The following TTYH3 variants were observed in gnomAD, a reference collection of about 807,000 sequenced individuals.
TTYH3 encodes the protein tweety family member 3.
A neutral mutation model predicts 68.2 loss-of-function variants in TTYH3; 23 were observed. The ratio of observed to expected loss-of-function variants is 0.34; its 90% CI spans 0.24 to 0.48. TTYH3 has a LOEUF of 0.48. TTYH3 is among the 20% of genes least tolerant of loss of function. The pLI is 0.99. For synonymous variants in TTYH3, 360 were observed against 332.8 expected, an observed-to-expected ratio of 1.08 and a Z score of -0.89; for missense variants, 768 against 727.7, an observed-to-expected ratio of 1.06 and a Z score of -0.64.
At chr7:2,640,015 G>GC in intron 1 of TTYH3, among the ~76,000 whole-genome samples, 1 of 151,830 alleles carries the variant, frequency 6.6e-6, no homozygotes, top group South Asian at 2.1e-4. Flanking sequence ...CAGCTCACCC[G>GC]CCCCCGCTGT....
At chr7:2,660,195 CAG>C (rs1330333335) in intron 13 of TTYH3, 1 of 985,358 alleles carries the variant, frequency 1.0e-6, no homozygotes, top group Non-Finnish European at 1.2e-6. Flanking sequence ...ACGGCTCAGC[CAG>C]AGACTTCTAA....
intron 3 of TTYH3, 73 bp from the exon 4 acceptor site, chr7:2,647,345 C>G (rs921548915): frequency 6.7e-7 from 1 of 1,500,986 alleles, no homozygotes; most frequent in Non-Finnish European, 8.9e-7. Flanking sequence ...GGGACTGGGG[C>G]TGTGCAGGAG....
intron 11 of TTYH3, among the ~76,000 whole-genome samples, chr7:2,657,404 G>A (rs914020199): frequency 7.7e-4 from 96 of 124,212 alleles, no homozygotes; most frequent in Non-Finnish European, 1.2e-3. Context: ...GATGGTGGTG[G>A]TGGTTGTGGT....
chr7:2,640,595 A>G (rs1390452879), intron 1 of TTYH3, among the ~76,000 whole-genome samples: 1 of 152,054 alleles, frequency 6.6e-6, no homozygotes, highest in Admixed American at 6.5e-5. Context: ...TGGCCCTCCC[A>G]CCTTGGCAGC....
At chr7:2,649,476 G>T in intron 5 of TTYH3, 91 bp from the exon 6 acceptor site, 1 of 1,294,254 alleles carries the variant, frequency 7.7e-7, no homozygotes, top group South Asian at 1.3e-5. Flanking sequence ...CCCCTGATGT[G>T]CACTGGGACC....
chr7:2,635,044 A>T (rs1172865970), intron 1 of TTYH3, among the ~76,000 whole-genome samples: 1 of 152,090 alleles, frequency 6.6e-6, no homozygotes, highest in Non-Finnish European at 1.5e-5. Flanking sequence ...CCAGCCAGTG[A>T]CTGTCGAGAG....
At chr7:2,641,458 C>G (rs996834314) in intron 1 of TTYH3, among the ~76,000 whole-genome samples, 14 of 151,966 alleles carry the variant, frequency 9.2e-5, no homozygotes, top group Non-Finnish European at 1.9e-4. Context: ...GGGACTGAGG[C>G]TGCAGGAGGG....
intron 1 of TTYH3, among the ~76,000 whole-genome samples, chr7:2,644,628 G>A (rs774363879): frequency 2.0e-5 from 3 of 152,184 alleles, no homozygotes; most frequent in South Asian, 2.1e-4. Context: ...TTGCAGGGGC[G>A]GTAGGCACTT....
At chr7:2,655,104 A>G (rs540008863) in intron 9 of TTYH3, among the ~76,000 whole-genome samples, 1 of 151,762 alleles carries the variant, frequency 6.6e-6, no homozygotes, top group Non-Finnish European at 1.5e-5. Context: ...GGCACCATTG[A>G]GCCCGTAACA....
chr7:2,662,635 A>C lies in TTYH3; in HGVS notation c.*896A>C, dbSNP rs2115002705. On this transcript the variant is annotated 3_prime_UTR_variant, in exon 14 of 14. Transcript: ENST00000258796. ...CTTCTTGGTTCCATTTCCATCCATG[A>C]CAGGTACAGCATCCCAGGAGCCCGG... 1 of 152,832 alleles carries C rather than the reference A, an allele frequency of 6.5e-6. No homozygotes were observed. The highest frequency in any genetic ancestry group is 6.5e-5 in the Admixed American group (1 of 15,296). The allele number at this position is 152,832 out of a possible 1,614,324, so 9.5% of individuals were successfully genotyped here.
rs570597066 is a variant in TTYH3 at position 2,663,133 on chromosome 7, C to G, written c.*1394C>G. 1.3e-5 allele frequency: 2 copies of G among 152,436 alleles called. No homozygotes were observed. Among genetic ancestry groups the G allele is most frequent in the African/African-American group, 2.4e-5 (1 of 41,456 alleles). The allele number at this position is 152,436 out of a possible 1,614,324, so 9.4% of individuals were successfully genotyped here. A position where few individuals can be genotyped will look rare whatever the true frequency, so the allele number is the denominator to read the frequency against. ...ATCGGACGTGCTACCCCTCCCGGTC[C>G]CGGCCCTGGCCCAGCCAGCCCAGCC... On this transcript the variant is annotated 3_prime_UTR_variant, in exon 14 of 14. Transcript: ENST00000258796.
chr7:2,644,334 G>A (rs1218138633), intron 1 of TTYH3, among the ~76,000 whole-genome samples: 5 of 152,198 alleles, frequency 3.3e-5, no homozygotes, highest in Non-Finnish European at 5.9e-5. Flanking sequence ...GCCCCAGAGC[G>A]TGGCTTTTCC....
At chr7:2,644,368 AC>A (rs1785929307) in intron 1 of TTYH3, among the ~76,000 whole-genome samples, 1 of 152,104 alleles carries the variant, frequency 6.6e-6, no homozygotes, top group African/African-American at 2.4e-5. Flanking sequence ...TTTATAGACA[AC>A]CCACTGAGCA....
At chr7:2,647,788 C>T in intron 4 of TTYH3, 150 bp downstream of exon 4, 3 of 1,072,286 alleles carry the variant, frequency 2.8e-6, no homozygotes, top group Middle Eastern at 2.0e-4. Flanking sequence ...GCTGGAGTTC[C>T]CCTAATGGGA....
chr7:2,660,271 C>T, intron 13 of TTYH3: 1 of 985,414 alleles, frequency 1.0e-6, no homozygotes, highest in Non-Finnish European at 1.2e-6. Flanking sequence ...GCTCCCCCTG[C>T]CCAGTTGCTT....
At chr7:2,652,297 G>A (rs1344137365) in intron 8 of TTYH3, 55 bp downstream of exon 8, 3 of 1,513,836 alleles carry the variant, frequency 2.0e-6, no homozygotes, top group Admixed American at 3.4e-5. Flanking sequence ...GCACATTGCT[G>A]TGTGTGGAGG....
At chr7:2,643,189 A>G (rs1785896728) in intron 1 of TTYH3, among the ~76,000 whole-genome samples, 1 of 148,968 alleles carries the variant, frequency 6.7e-6, no homozygotes. Context: ...CCCTGTCTCT[A>G]TTAAAAATAC....
At chr7:2,636,613 A>G (rs1419954604) in intron 1 of TTYH3, among the ~76,000 whole-genome samples, 1 of 152,160 alleles carries the variant, frequency 6.6e-6, no homozygotes, top group Non-Finnish European at 1.5e-5. Context: ...GAGCTGATGA[A>G]CTAGGCTGGG....
At chr7:2,657,989 C>G (rs1248726702) in intron 11 of TTYH3, among the ~76,000 whole-genome samples, 1 of 152,218 alleles carries the variant, frequency 6.6e-6, no homozygotes, top group African/African-American at 2.4e-5. Context: ...TGCACTCTCC[C>G]AGGAGGGGCC....
Sources: gnomAD v4.1 joint callset for allele counts (sites outside exome capture counted in the v4.1 genomes callset) on GRCh38, gnomAD v4.1.1 for gene constraint, MANE v1.5 for transcripts, NCBI Gene and HGNC (gene_info 2026-07-23, HGNC 2026-07-21) for gene names.